Variants in R3HDM1 observed in about 807,000 individuals in gnomAD.
R3HDM1 encodes the protein R3H domain-containing protein 1.
Under a neutral mutation model 141.1 loss-of-function variants are expected in R3HDM1, and 46 were observed. The ratio of observed to expected loss-of-function variants is 0.33; its 90% CI spans 0.26 to 0.42. The LOEUF (loss-of-function observed/expected upper bound fraction) is 0.42. R3HDM1 is among the 10% of genes least tolerant of loss of function. The pLI, the probability that R3HDM1 is intolerant of heterozygous loss-of-function variation, is 1.00. For synonymous variants in R3HDM1, 435 were observed against 472.9 expected, an observed-to-expected ratio of 0.92 and a Z score of 1.04; for missense variants, 1,184 against 1,368.3, an observed-to-expected ratio of 0.87 and a Z score of 2.12.
In R3HDM1 at chr2:135,620,737, C is replaced by T. The variant is rs2061444305; in HGVS notation, c.304-757C>T. The T allele has an allele frequency of 4.7e-6, 4 of 859,378 alleles. No individual in the cohort carries two copies. The South Asian group carries it at 2.1e-4, about 46-fold the overall frequency. The allele number at this position is 859,378 out of a possible 1,614,324, so 53.2% of individuals were successfully genotyped here. ...AACTTTACCTAAGTAAACAGAGCTACATGATTTTTGCCTTTTCTGTGTGGA... is the reference window on the plus strand; with the variant it reads ...AACTTTACCTAAGTAAACAGAGCTATATGATTTTTGCCTTTTCTGTGTGGA... On this transcript the variant is annotated intron_variant, in intron 5 of 26. Transcript: ENST00000683871.
chr2:135,539,369 C>T (rs929387819), intron 1 of R3HDM1, among the ~76,000 whole-genome samples: 9 of 152,114 alleles, frequency 5.9e-5, no homozygotes, highest in African/African-American at 2.2e-4. Flanking sequence ...ACCATAAACA[C>T]GTGAGTAATG....
chr2:135,719,227 A>C (rs1324967004), intron 24 of R3HDM1, among the ~76,000 whole-genome samples: 1 of 152,166 alleles, frequency 6.6e-6, no homozygotes, highest in Non-Finnish European at 1.5e-5. Context: ...AGTATGCGTC[A>C]TACAGTCTGG....
Position 135,710,403 on chromosome 2 carries a change from G to C in R3HDM1, c.2736+172G>C, listed in dbSNP as rs939030212. 2.6e-5 allele frequency among the ~76,000 whole-genome samples: 4 copies of C among 152,240 alleles called. No individual in the cohort carries two copies. In the East Asian group the frequency reaches 7.7e-4, roughly 29 times the overall value. ...ACTTTTTGGGAGGCTGAGGCACGGGGATCACCCAGTTTCAGACCAGCCTGA... is the reference window on the plus strand; with the variant it reads ...ACTTTTTGGGAGGCTGAGGCACGGGCATCACCCAGTTTCAGACCAGCCTGA... On this transcript the variant is annotated intron_variant, in intron 23 of 26. Transcript: ENST00000683871.
chr2:135,709,656 T>G, intron 22 of R3HDM1, 120 bp downstream of exon 22: 1 of 1,193,554 alleles, frequency 8.4e-7, no homozygotes, highest in South Asian at 1.4e-5. Flanking sequence ...ACACCCACAA[T>G]ATTGAGGGTG....
At chr2:135,708,765 G>T (rs2075252649) in intron 21 of R3HDM1, among the ~76,000 whole-genome samples, 1 of 151,990 alleles carries the variant, frequency 6.6e-6, no homozygotes, top group Non-Finnish European at 1.5e-5. Flanking sequence ...TTCAAGACCA[G>T]CCTGGCCAAA....
At chr2:135,629,636 A>G (rs1323756710) in intron 7 of R3HDM1, among the ~76,000 whole-genome samples, 4 of 152,344 alleles carry the variant, frequency 2.6e-5, no homozygotes, top group Middle Eastern at 6.8e-3. Flanking sequence ...GCAAAGGGGA[A>G]CAGCATGTTC....
intron 1 of R3HDM1, among the ~76,000 whole-genome samples, chr2:135,542,429 G>A (rs915944858): frequency 1.3e-5 from 2 of 152,052 alleles, no homozygotes; most frequent in African/African-American, 2.4e-5. Context: ...TTTTCACTTT[G>A]TATACCTTGT....
chr2:135,581,483 C>T (rs1156354146), intron 1 of R3HDM1: 1 of 801,590 alleles, frequency 1.2e-6, no homozygotes, highest in Non-Finnish European at 1.5e-6. Context: ...CCTCACCTGA[C>T]TGACTAATAC....
intron 1 of R3HDM1, 163 bp downstream of exon 1, chr2:135,531,796 G>C (rs1488789675): frequency 1.0e-6 from 1 of 985,274 alleles, no homozygotes; most frequent in African/African-American, 1.7e-5. Context: ...CGGCGCTTCA[G>C]CCAGGGCCTT....
chr2:135,577,142 T>C (rs1418316611), intron 1 of R3HDM1: 2 of 975,136 alleles, frequency 2.1e-6, no homozygotes, highest in Non-Finnish European at 2.4e-6. Flanking sequence ...ATTTAACCTT[T>C]GTGTATGAAA....
Position 135,636,003 on chromosome 2 carries a change from T to A in R3HDM1, c.807+5T>A. 1 of 1,609,366 alleles carries A rather than the reference T, an allele frequency of 6.2e-7. No homozygotes were observed. Among genetic ancestry groups the A allele is most frequent in the Non-Finnish European group, 8.5e-7 (1 of 1,178,516 alleles). On this transcript the variant is annotated splice_donor_5th_base_variant and intron_variant, in intron 10 of 26. Transcript: ENST00000683871. The stretch of plus-strand genomic sequence containing the variant: ...TTTGACAAAGATGATAACCAGGTAA[T>A]CTAGAACAATTGTAGGATTTGTATA...
intron 1 of R3HDM1, among the ~76,000 whole-genome samples, chr2:135,575,204 G>C (rs553867851): frequency 6.6e-6 from 1 of 152,220 alleles, no homozygotes; most frequent in African/African-American, 2.4e-5. Flanking sequence ...AAAATACCTC[G>C]ACCCAAACTG....
chr2:135,571,748 C>G (rs187633343), intron 1 of R3HDM1, among the ~76,000 whole-genome samples: 2 of 152,082 alleles, frequency 1.3e-5, no homozygotes, highest in African/African-American at 4.8e-5. Flanking sequence ...CACCTCAACC[C>G]CCAACGGAGC....
chr2:135,593,755 CTA>C (rs932182843), intron 1 of R3HDM1, among the ~76,000 whole-genome samples: 7 of 152,106 alleles, frequency 4.6e-5, no homozygotes, highest in African/African-American at 1.4e-4. Context: ...GAGTCTGACT[CTA>C]TCACCCAGGC....
rs140458712 is a variant in R3HDM1, at chr2:135,541,347, A to G, written c.-250+9714A>G. 3.0e-3 allele frequency among the ~76,000 whole-genome samples: 453 copies of G among 152,144 alleles called. 2 individuals carry two copies. The highest frequency in any genetic ancestry group is 0.01 in the African/African-American group (428 of 41,512). On this transcript the variant is annotated intron_variant, in intron 1 of 26. Coordinates refer to ENST00000683871, the MANE Select transcript of R3HDM1 (RefSeq NM_001378107.1). ...CTCAGCCTCCTGAGTAGCTGGGACT[A>G]CAGGCGCCCGCCACCATGCCCGGCT...
At chr2:135,655,040 C>G (rs1437626882) in intron 18 of R3HDM1, among the ~76,000 whole-genome samples, 3 of 152,026 alleles carry the variant, frequency 2.0e-5, no homozygotes, top group African/African-American at 7.2e-5. Flanking sequence ...CTTTGATGGA[C>G]AAAAGTTTTT....
At chr2:135,699,715 G>T (rs1036575623) in intron 21 of R3HDM1, among the ~76,000 whole-genome samples, 4 of 152,092 alleles carry the variant, frequency 2.6e-5, no homozygotes, top group Non-Finnish European at 5.9e-5. Context: ...AAGATACAGG[G>T]GAAATGTGAC....
intron 23 of R3HDM1, among the ~76,000 whole-genome samples, chr2:135,712,106 G>C (rs2075714246): frequency 6.6e-6 from 1 of 151,988 alleles, no homozygotes; most frequent in African/African-American, 2.4e-5. Context: ...GAACCTGGAT[G>C]ATGGGTACAT....
At chr2:135,694,215 T>G (rs1196969353) in intron 21 of R3HDM1, among the ~76,000 whole-genome samples, 1 of 152,244 alleles carries the variant, frequency 6.6e-6, no homozygotes, top group Non-Finnish European at 1.5e-5. Context: ...CTTGCTGTTT[T>G]AGATATTTCT....
Sources: gnomAD v4.1 joint callset for allele counts (sites outside exome capture counted in the v4.1 genomes callset) on GRCh38, gnomAD v4.1.1 for gene constraint, MANE v1.5 for transcripts, NCBI Gene and HGNC (gene_info 2026-07-23, HGNC 2026-07-21) for gene names.